IL34: variants seen among roughly 807,000 people sequenced by gnomAD.
IL34 encodes interleukin 34, also known as interleukin-34.
IL34 carries 17 observed loss-of-function variants against 25.3 expected under a neutral mutation model. The observed-to-expected ratio is 0.67, with a 90% confidence interval of 0.46 to 1.01. The LOEUF (loss-of-function observed/expected upper bound fraction) is 1.01, where lower values mean the gene tolerates loss of function less well. Among genes scored for constraint, IL34 ranks in the 50% least tolerant of loss-of-function variants. The pLI is 0.00. For synonymous variants in IL34, 174 were observed against 140.9 expected (o/e 1.23, Z -1.66); for missense variants, 368 against 312.9 (o/e 1.18, Z -1.33).
intron 1 of IL34, among the ~76,000 whole-genome samples, chr16:70,611,838 T>C (rs1252777319): frequency 6.6e-6 from 1 of 151,388 alleles, no homozygotes; most frequent in African/African-American, 2.4e-5. Context: ...AGCAAGACTC[T>C]GTCTTAAATA....
At chr16:70,608,832 T>TCTGGGAAG (rs774542889) in intron 1 of IL34, among the ~76,000 whole-genome samples, 1 of 152,046 alleles carries the variant, frequency 6.6e-6, no homozygotes, top group Non-Finnish European at 1.5e-5. Context: ...AGTCTCTGCA[T>TCTGGGAAG]CTGGGAAGCT....
At chr16:70,630,009 A>G (rs932822649) in intron 1 of IL34, among the ~76,000 whole-genome samples, 1 of 152,118 alleles carries the variant, frequency 6.6e-6, no homozygotes, top group Non-Finnish European at 1.5e-5. Context: ...CCACCCAGCA[A>G]CAATTCTTCC....
chr16:70,609,209 G>A (rs2051055300), intron 1 of IL34, among the ~76,000 whole-genome samples: 1 of 152,128 alleles, frequency 6.6e-6, no homozygotes, highest in African/African-American at 2.4e-5. Context: ...CTTCCATGTA[G>A]CTGGGATTTC....
At chr16:70,626,540 G>A (rs182374966) in intron 1 of IL34, among the ~76,000 whole-genome samples, 33 of 152,214 alleles carry the variant, frequency 2.2e-4, no homozygotes, top group African/African-American at 6.7e-4. Context: ...GGGATTACAG[G>A]CATGCGCCAC....
chr16:70,656,079 G>T (rs1365555387), intron 2 of IL34, among the ~76,000 whole-genome samples: 3 of 152,176 alleles, frequency 2.0e-5, no homozygotes, highest in African/African-American at 7.2e-5. Context: ...TCTTGAGCCT[G>T]AAATTTCTGC....
At chr16:70,647,926 A>G (rs763986768) in intron 1 of IL34, among the ~76,000 whole-genome samples, 1 of 152,206 alleles carries the variant, frequency 6.6e-6, no homozygotes, top group Admixed American at 6.5e-5. Flanking sequence ...GAAATGGTCT[A>G]GAAGGTGGGG....
chr16:70,610,225 C>T (rs559099191), intron 1 of IL34, among the ~76,000 whole-genome samples: 1 of 149,356 alleles, frequency 6.7e-6, no homozygotes, highest in South Asian at 2.1e-4. Context: ...AAAAAGTGAA[C>T]GTTTTTCCAA....
chr16:70,587,577 G>A (rs2050709635), intron 1 of IL34, among the ~76,000 whole-genome samples: 1 of 151,908 alleles, frequency 6.6e-6, no homozygotes. Flanking sequence ...CGCTGACAGT[G>A]CTGAGTTTGA....
At chr16:70,658,014 G>T (rs1176187591) in intron 4 of IL34, among the ~76,000 whole-genome samples, 2 of 152,110 alleles carry the variant, frequency 1.3e-5, no homozygotes, top group Non-Finnish European at 2.9e-5. Flanking sequence ...AAGGAAGGTG[G>T]CGAGATGACC....
At chr16:70,656,530 C>T in intron 2 of IL34, 72 bp from the exon 3 acceptor site, 1 of 850,202 alleles carries the variant, frequency 1.2e-6, no homozygotes. Context: ...AAAAAAACAT[C>T]ATTTGGGAGG....
At chr16:70,641,007 C>T (rs935652247) in intron 1 of IL34, among the ~76,000 whole-genome samples, 2 of 152,070 alleles carry the variant, frequency 1.3e-5, no homozygotes, top group African/African-American at 4.8e-5. Context: ...CGTGGTGGCT[C>T]ACACCTGTAA....
At chr16:70,645,161 A>AAGGAGG (rs1567461269), upstream of IL34, among the ~76,000 whole-genome samples, 6 of 150,670 alleles carry the variant, frequency 4.0e-5, no homozygotes, top group African/African-American at 1.5e-4. Context: ...GGAGGAAGAG[A>AAGGAGG]AGGAGGAAGA....
Position 70,656,896 on chromosome 16 carries a change from A to AGG in IL34, c.241-62_241-61dup, listed in dbSNP as rs567226249. The AGG allele has an allele frequency of 3.9e-5, 60 of 1,530,702 alleles. 1 individual carries two copies. In the African/African-American group the frequency reaches 6.4e-4, roughly 16 times the overall value. The allele number at this position is 1,530,702 out of a possible 1,614,324, so 94.8% of individuals were successfully genotyped here. ...CCTATGCAGGGGCAAGTCCCTGGTGAGGGAGTGGTCAGAGCCCAGAGGCCC... is the reference window on the plus strand; with the variant it reads ...CCTATGCAGGGGCAAGTCCCTGGTGAGGGGGAGTGGTCAGAGCCCAGAGGCCC... On this transcript the variant is annotated intron_variant, in intron 3 of 5. Coordinates refer to ENST00000288098, the MANE Select transcript of IL34 (RefSeq NM_001393494.1).
chr16:70,655,631 A>G (rs1047401401), intron 2 of IL34, among the ~76,000 whole-genome samples: 2 of 152,088 alleles, frequency 1.3e-5, no homozygotes, highest in Non-Finnish European at 2.9e-5. Context: ...GGCTCAAGCA[A>G]TATGCCCACC....
intron 1 of IL34, among the ~76,000 whole-genome samples, chr16:70,625,903 C>T (rs1597756007): frequency 6.6e-6 from 1 of 152,224 alleles, no homozygotes. Context: ...TTGGGCTTGT[C>T]TGTCTAAGGA....
chr16:70,623,460 A>C (rs867363069), intron 1 of IL34, among the ~76,000 whole-genome samples: 59 of 152,198 alleles, frequency 3.9e-4, no homozygotes, highest in African/African-American at 1.3e-3. Context: ...GAGAGTTTAT[A>C]GGCTTTAAAA....
In IL34 at chr16:70,656,590, G is replaced by T; in HGVS notation, c.163-12G>T. On this transcript the variant is annotated splice_polypyrimidine_tract_variant and intron_variant, in intron 2 of 5. Coordinates refer to ENST00000288098, the MANE Select transcript of IL34 (RefSeq NM_001393494.1). ...ACTTCTGGCCTCATAGTTTGTTCTT[G>T]TGCCTCTCCAGAAACACTACTTCCC... 1 of 1,160,080 alleles carries T rather than the reference G, an allele frequency of 8.6e-7. No individual in the cohort carries two copies. Among genetic ancestry groups the T allele is most frequent in the Non-Finnish European group, 1.3e-6 (1 of 764,716 alleles). 71.9% of individuals were successfully genotyped at this position (1,160,080 alleles called of 1,614,324 possible).
chr16:70,623,730 C>T (rs923400113), intron 1 of IL34, among the ~76,000 whole-genome samples: 3 of 151,604 alleles, frequency 2.0e-5, no homozygotes, highest in African/African-American at 7.3e-5. Flanking sequence ...CAGGAATAGT[C>T]AGGGAAGCAG....
At chr16:70,632,969 C>T (rs1045707753) in intron 1 of IL34, among the ~76,000 whole-genome samples, 1 of 144,026 alleles carries the variant, frequency 6.9e-6, no homozygotes, top group African/African-American at 2.5e-5. Context: ...TGTGTCTTAT[C>T]AGGACATATT....
Sources: allele counts gnomAD v4.1 joint callset (sites outside exome capture counted in the v4.1 genomes callset), GRCh38; gene constraint gnomAD v4.1.1; transcripts MANE v1.5; gene names NCBI Gene and HGNC (gene_info 2026-07-23, HGNC 2026-07-21).